The following ST8SIA4 variants were observed in gnomAD, a reference collection of about 807,000 sequenced individuals.
The protein encoded by ST8SIA4 is ST8 alpha-N-acetyl-neuraminide alpha-2,8-sialyltransferase 4, also known as CMP-N-acetylneuraminate-poly-alpha-2,8-sialyltransferase.
Under a neutral mutation model 33.9 loss-of-function variants are expected in ST8SIA4, and 15 were observed. That is an observed-to-expected ratio of 0.44 (90% CI 0.30 to 0.68). The LOEUF is 0.68. Among genes scored for constraint, ST8SIA4 ranks in the 30% least tolerant of loss-of-function variants. The pLI is 0.10. For missense variants in ST8SIA4, 321 were observed against 428.0 expected (o/e 0.75, Z 2.21); for synonymous variants, 171 against 151.2 (o/e 1.13, Z -0.96).
intron 3 of ST8SIA4, among the ~76,000 whole-genome samples, chr5:100,861,646 C>T (rs539107548): frequency 6.1e-4 from 93 of 152,164 alleles, no homozygotes; most frequent in African/African-American, 2.2e-3. Flanking sequence ...TTGGCTTAAA[C>T]TTTAAGAAAT....
Position 100,871,709 on chromosome 5 carries a change from G to A in ST8SIA4, c.503+14634C>T, listed in dbSNP as rs188357484. On this transcript the variant is annotated intron_variant, in intron 3 of 4. Transcript: ENST00000231461. ...GCCAATTTTAAGTTTTACCTATGACGATGAACTCAAACAAGATGTCCTTTA... is the reference window on the plus strand; with the variant it reads ...GCCAATTTTAAGTTTTACCTATGACAATGAACTCAAACAAGATGTCCTTTA... Among the ~76,000 whole-genome samples, 220 of 152,076 alleles carry A rather than the reference G, an allele frequency of 1.4e-3. 1 individual carries two copies. The highest frequency in any genetic ancestry group is 5.1e-3 in the African/African-American group (211 of 41,526).
rs1346041017 is a variant in ST8SIA4, at chr5:100,856,231, A to G, written c.669T>C (p.Leu223=). 1.9e-6 allele frequency: 3 copies of G among 1,613,988 alleles called. No homozygotes were observed. Among genetic ancestry groups the G allele is most frequent in the African/African-American group, 1.3e-5 (1 of 74,912 alleles). The change falls in exon 4 of 5, where the codon CTT becomes CTC. Residue 223 remains leucine (L), a synonymous_variant. Transcript: ENST00000231461. Reference sequence around the variant, plus strand: ...CTTTGACCATGAAAGCAGGAATCCAAAGGACACTGTCATTCAGCATGGAAA... The same window carrying G: ...CTTTGACCATGAAAGCAGGAATCCAGAGGACACTGTCATTCAGCATGGAAA... ...HRLSMLNDSV[L]WIPAFMVKGG...
At chr5:100,892,836 G>A (rs1030571041) in intron 2 of ST8SIA4, among the ~76,000 whole-genome samples, 1 of 152,040 alleles carries the variant, frequency 6.6e-6, no homozygotes, top group African/African-American at 2.4e-5. Flanking sequence ...CGGGCCTGTC[G>A]GGAGGTGATG....
chr5:100,818,489 A>T (rs1037327448), intron 4 of ST8SIA4, among the ~76,000 whole-genome samples: 1 of 152,214 alleles, frequency 6.6e-6, no homozygotes, highest in African/African-American at 2.4e-5. Context: ...TTACTTAACC[A>T]CATTGCAAAT....
intron 4 of ST8SIA4, among the ~76,000 whole-genome samples, chr5:100,851,578 A>G (rs2112434330): frequency 6.6e-6 from 1 of 152,248 alleles, no homozygotes; most frequent in South Asian, 2.1e-4. Context: ...GCAAAAGAGT[A>G]CATATGATTC....
intron 4 of ST8SIA4, among the ~76,000 whole-genome samples, chr5:100,833,603 A>G (rs1307153438): frequency 6.6e-6 from 1 of 152,126 alleles, no homozygotes; most frequent in African/African-American, 2.4e-5. Flanking sequence ...TAACAAACCT[A>G]TGTCAAAAGG....
At chr5:100,822,813 T>C (rs1191697470) in intron 4 of ST8SIA4, among the ~76,000 whole-genome samples, 1 of 152,028 alleles carries the variant, frequency 6.6e-6, no homozygotes, top group Non-Finnish European at 1.5e-5. Flanking sequence ...ACACAGATCA[T>C]AAAGACCTTG....
chr5:100,841,837 C>T (rs184485859), intron 4 of ST8SIA4, among the ~76,000 whole-genome samples: 45 of 151,980 alleles, frequency 3.0e-4, no homozygotes, highest in Middle Eastern at 6.8e-3. Flanking sequence ...CATGTCCCAT[C>T]CACCAGAGGT....
intron 3 of ST8SIA4, among the ~76,000 whole-genome samples, chr5:100,864,574 C>CAAAAAAAAAAAAAAAAAAAAA (rs201029430): frequency 1.4e-5 from 1 of 69,384 alleles, no homozygotes; most frequent in Non-Finnish European, 2.6e-5. Context: ...GACTCCGGCT[C>CAAAAAAAAAAAAAAAAAAAAA]AAAAAAAAAA....
At chr5:100,830,091 A>T (rs1751220797) in intron 4 of ST8SIA4, among the ~76,000 whole-genome samples, 1 of 152,170 alleles carries the variant, frequency 6.6e-6, no homozygotes, top group African/African-American at 2.4e-5. Flanking sequence ...TAAATGTGCC[A>T]CACTGAAGAT....
At chr5:100,869,039 A>G (rs1002961142) in intron 3 of ST8SIA4, among the ~76,000 whole-genome samples, 5 of 152,096 alleles carry the variant, frequency 3.3e-5, no homozygotes, top group African/African-American at 4.8e-5. Context: ...ACCTTTAATA[A>G]AGCAATTTGG....
chr5:100,867,875 C>T (rs1752104444), intron 3 of ST8SIA4, among the ~76,000 whole-genome samples: 1 of 151,850 alleles, frequency 6.6e-6, no homozygotes, highest in Non-Finnish European at 1.5e-5. Flanking sequence ...CATGAGTGTA[C>T]AAAAATGAGT....
At chr5:100,872,901 C>T (rs1260904580) in intron 3 of ST8SIA4, among the ~76,000 whole-genome samples, 7 of 142,370 alleles carry the variant, frequency 4.9e-5, no homozygotes, top group Admixed American at 4.9e-4. Flanking sequence ...AAAAATCAAA[C>T]ATAGTGGGAG....
intron 4 of ST8SIA4, among the ~76,000 whole-genome samples, chr5:100,816,823 G>C (rs953483545): frequency 6.6e-6 from 1 of 152,052 alleles, no homozygotes; most frequent in African/African-American, 2.4e-5. Context: ...TTGTCTTCCA[G>C]TAACTGAGAT....
chr5:100,839,177 A>G (rs1468747810), intron 4 of ST8SIA4, among the ~76,000 whole-genome samples: 1 of 151,974 alleles, frequency 6.6e-6, no homozygotes, highest in Non-Finnish European at 1.5e-5. Context: ...ATGCAAAAAA[A>G]TTATATTTAA....
chr5:100,841,343 T>C (rs568586626), intron 4 of ST8SIA4, among the ~76,000 whole-genome samples: 2 of 151,960 alleles, frequency 1.3e-5, no homozygotes, highest in African/African-American at 4.8e-5. Flanking sequence ...AAGAGGTCAA[T>C]TATGCAGTAT....
Position 100,848,991 on chromosome 5 carries a change from G to T in ST8SIA4, c.797+7112C>A, listed in dbSNP as rs550166318. The T allele has an allele frequency of 1.6e-3, 620 of 385,460 alleles. 2 individuals are homozygous for T. Among genetic ancestry groups the T allele is most frequent in the Middle Eastern group, 5.6e-3 (4 of 708 alleles). 23.9% of individuals were successfully genotyped at this position (385,460 alleles called of 1,614,324 possible). A position where few individuals can be genotyped will look rare whatever the true frequency, so the allele number is the denominator to read the frequency against. On this transcript the variant is annotated intron_variant, in intron 4 of 4. Coordinates refer to ENST00000231461, the MANE Select transcript of ST8SIA4 (RefSeq NM_005668.6). ...CAAGTAAACATTTAGATGATGTTGG[G>T]TTAACTTAACTGTGGTGTTGAAACA... is the stretch of plus-strand genomic sequence containing the variant.
intron 1 of ST8SIA4, among the ~76,000 whole-genome samples, chr5:100,897,880 A>G (rs149832511): frequency 6.6e-6 from 1 of 152,348 alleles, no homozygotes; most frequent in African/African-American, 2.4e-5. Flanking sequence ...TTTACTGACC[A>G]TCGGCCCAGA....
chr5:100,877,719 T>C (rs1752336238), intron 3 of ST8SIA4, among the ~76,000 whole-genome samples: 1 of 152,204 alleles, frequency 6.6e-6, no homozygotes, highest in East Asian at 1.9e-4. Flanking sequence ...CAAAGTCTAT[T>C]GGTTGAACAC....
Sources: allele counts gnomAD v4.1 joint callset (sites outside exome capture counted in the v4.1 genomes callset), GRCh38; gene constraint gnomAD v4.1.1; transcripts MANE v1.5; gene names NCBI Gene and HGNC (gene_info 2026-07-23, HGNC 2026-07-21).